Variants in PSPC1 observed in about 807,000 individuals in gnomAD.
The protein encoded by PSPC1 is paraspeckle component 1.
In PSPC1, 14 loss-of-function variants were observed where a neutral mutation model predicts 51.6. The observed-to-expected ratio is 0.27, with a 90% CI of 0.18 to 0.42. PSPC1 has a LOEUF of 0.42. Among genes scored for constraint, PSPC1 ranks in the 10% least tolerant of loss-of-function variants. The pLI is 1.00. For synonymous variants in PSPC1, 193 were observed against 231.9 expected (o/e 0.83, Z 1.53); for missense variants, 406 against 701.1 (o/e 0.58, Z 4.75).
chr13:19,736,627 G>C (rs375933025), intron 5 of PSPC1, among the ~76,000 whole-genome samples: 11 of 152,258 alleles, frequency 7.2e-5, no homozygotes, highest in Admixed American at 2.6e-4. Flanking sequence ...AGCTTGCAGT[G>C]AGCCGAGATC....
intron 6 of PSPC1, chr13:19,678,344 C>G (rs1270334164): frequency 6.5e-6 from 1 of 153,524 alleles, no homozygotes; most frequent in Non-Finnish European, 1.4e-5. Flanking sequence ...AGACCTTGAT[C>G]AATGTTCTTC....
At chr13:19,694,122 CAAAAAAAAAAAAAAAAAA>C (rs71092389) in intron 6 of PSPC1, among the ~76,000 whole-genome samples, 1 of 47,466 alleles carries the variant, frequency 2.1e-5, no homozygotes, top group African/African-American at 8.6e-5. Context: ...GACTCCATCT[CAAAAAAAAAAAAAAAAAA>C]AAAAAAAAAA....
chr13:19,777,924 C>A (rs1393299836), intron 1 of PSPC1, among the ~76,000 whole-genome samples: 1 of 149,674 alleles, frequency 6.7e-6, no homozygotes, highest in Non-Finnish European at 1.5e-5. Flanking sequence ...CCAGCCTGGG[C>A]GACAGAGTGA....
chr13:19,750,475 T>TAC (rs933209594), intron 4 of PSPC1, among the ~76,000 whole-genome samples: 7 of 151,440 alleles, frequency 4.6e-5, no homozygotes, highest in Admixed American at 1.3e-4. Context: ...TATATATATA[T>TAC]ACACTTACCA....
chr13:19,748,942 G>A (rs990930625), intron 4 of PSPC1, among the ~76,000 whole-genome samples: 1 of 151,944 alleles, frequency 6.6e-6, no homozygotes, highest in Admixed American at 6.6e-5. Context: ...GGGCACGGTG[G>A]CTCATATCTG....
chr13:19,734,768 C>T (rs1037405976), intron 5 of PSPC1, among the ~76,000 whole-genome samples: 6 of 151,822 alleles, frequency 4.0e-5, no homozygotes, highest in East Asian at 1.9e-4. Flanking sequence ...CACCACTGTA[C>T]TCCAGCCTGG....
At chr13:19,736,814 C>T (rs1400361466) in intron 5 of PSPC1, among the ~76,000 whole-genome samples, 1 of 152,100 alleles carries the variant, frequency 6.6e-6, no homozygotes, top group African/African-American at 2.4e-5. Context: ...CTTGTATAAC[C>T]ATAGTACAAA....
chr13:19,674,044 A>G (rs1409269109), downstream of PSPC1, among the ~76,000 whole-genome samples: 3 of 152,246 alleles, frequency 2.0e-5, no homozygotes, highest in African/African-American at 7.2e-5. Flanking sequence ...GGCCTAGGAC[A>G]TAGGTGATCT....
chr13:19,722,688 G>C (rs982076645), intron 6 of PSPC1, among the ~76,000 whole-genome samples: 95 of 152,060 alleles, frequency 6.2e-4, no homozygotes, highest in African/African-American at 2.0e-3. Flanking sequence ...CAGCTACTCG[G>C]GAGGGTGAAG....
chr13:19,706,793 A>G lies in PSPC1; in HGVS notation c.1217-962T>C, dbSNP rs191526301. ...TTACATAGGTCAATTTTCTGATAAT[A>G]AGAACTCAATTTCTCAAATATACAT... On this transcript the variant is annotated intron_variant, in intron 7 of 8. Coordinates refer to ENST00000338910, the MANE Select transcript of PSPC1 (RefSeq NM_001354909.2). Among the ~76,000 whole-genome samples the G allele has an allele frequency of 8.9e-4, 136 of 152,316 alleles. 1 individual carries two copies. Among genetic ancestry groups the G allele is most frequent in the African/African-American group, 2.4e-3 (101 of 41,578 alleles).
chr13:19,694,252 T>G (rs1054734035), intron 6 of PSPC1, among the ~76,000 whole-genome samples: 4 of 151,254 alleles, frequency 2.6e-5, no homozygotes, highest in African/African-American at 9.7e-5. Flanking sequence ...TACATAATTA[T>G]AGCCTATGTA....
intron 6 of PSPC1, among the ~76,000 whole-genome samples, chr13:19,723,162 G>T (rs186186420): frequency 6.6e-6 from 1 of 152,032 alleles, no homozygotes; most frequent in African/African-American, 2.4e-5. Flanking sequence ...TGACAGCTGG[G>T]GTGAGGAATC....
intron 6 of PSPC1, among the ~76,000 whole-genome samples, chr13:19,690,341 G>A (rs1184679692): frequency 6.6e-6 from 1 of 152,168 alleles, no homozygotes; most frequent in African/African-American, 2.4e-5. Context: ...TCAACAATGA[G>A]TTCTAGTTGC....
chr13:19,732,639 A>G (rs1195662409), intron 5 of PSPC1, among the ~76,000 whole-genome samples: 1 of 152,142 alleles, frequency 6.6e-6, no homozygotes, highest in Non-Finnish European at 1.5e-5. Context: ...TACATAGAAA[A>G]ACTTTTGGCA....
chr13:19,732,335 C>T (rs1020699093), intron 5 of PSPC1, among the ~76,000 whole-genome samples: 5 of 151,876 alleles, frequency 3.3e-5, no homozygotes, highest in Admixed American at 2.6e-4. Flanking sequence ...GTGTGGGTGG[C>T]GATGGGAAGA....
At chr13:19,699,425 T>C (rs1298403559), downstream of PSPC1, 1 of 151,844 alleles carries the variant, frequency 6.6e-6, no homozygotes, top group East Asian at 1.9e-4. Context: ...CAGAAAAACA[T>C]GTAAAGTGAA....
downstream of PSPC1, chr13:19,671,845 A>G (rs755401894): frequency 6.2e-7 from 1 of 1,614,044 alleles, no homozygotes; most frequent in Non-Finnish European, 8.5e-7. Context: ...TTAAGTTGCT[A>G]ATAGGTGCAT....
downstream of PSPC1, chr13:19,671,823 T>A: frequency 6.2e-7 from 1 of 1,614,040 alleles, no homozygotes; most frequent in Non-Finnish European, 8.5e-7. Flanking sequence ...TGCGTTCTTT[T>A]CTTTCAACAG....
At chr13:19,723,034 C>G (rs1239271292) in intron 6 of PSPC1, among the ~76,000 whole-genome samples, 1 of 152,082 alleles carries the variant, frequency 6.6e-6, no homozygotes, top group Non-Finnish European at 1.5e-5. Flanking sequence ...TCACTTGAAC[C>G]CAGGAGGCAG....
Sources: allele counts gnomAD v4.1 joint callset (sites outside exome capture counted in the v4.1 genomes callset), GRCh38; gene constraint gnomAD v4.1.1; transcripts MANE v1.5; gene names NCBI Gene and HGNC (gene_info 2026-07-23, HGNC 2026-07-21).